The following POLN variants were observed in gnomAD, a reference collection of about 807,000 sequenced individuals.
POLN encodes the protein DNA polymerase N.
Under a neutral mutation model 113.5 loss-of-function variants are expected in POLN, and 108 were observed. That is an observed-to-expected ratio of 0.95 (90% CI 0.81 to 1.12). The LOEUF is 1.12. POLN is among the 50% of genes most tolerant of loss of function. The probability of loss-of-function intolerance (pLI) is 0.00; values close to 1 mark genes in which losing one functional copy is unlikely to be tolerated. For missense variants in POLN, 1,097 were observed against 1,077.1 expected (o/e 1.02, Z -0.26); for synonymous variants, 386 against 391.5 (o/e 0.99, Z 0.17).
intron 13 of POLN, among the ~76,000 whole-genome samples, chr4:2,164,438 T>C (rs1577734190): frequency 1.4e-5 from 2 of 146,876 alleles, no homozygotes. Context: ...GAGGTGGAGG[T>C]TGCCGTGAGT....
In POLN at chr4:2,183,880, C is replaced by T. The variant is rs117419227; in HGVS notation, c.1022-4415G>A. On this transcript the variant is annotated intron_variant, in intron 7 of 25. Transcript: ENST00000511885. ...ACCAGAAAGCTATTTACAAGGTGTTCTTTTTTTCTTTTTTTTTTTGAGACA... is the reference window on the plus strand; with the variant it reads ...ACCAGAAAGCTATTTACAAGGTGTTTTTTTTTTCTTTTTTTTTTTGAGACA... 1.4e-3 allele frequency among the ~76,000 whole-genome samples: 187 copies of T among 135,010 alleles called. 3 individuals are homozygous for T. The East Asian group carries it at 0.035, about 25-fold the overall frequency. 88.6% of individuals were successfully genotyped at this position (135,010 alleles called of 152,430 possible).
At chr4:2,141,889 C>T (rs1385401794) in intron 16 of POLN, among the ~76,000 whole-genome samples, 2 of 152,238 alleles carry the variant, frequency 1.3e-5, no homozygotes, top group Non-Finnish European at 2.9e-5. Context: ...CCTCCTCTGG[C>T]TTTCCACCCA....
At chr4:2,112,993 C>G (rs1731233285) in intron 19 of POLN, among the ~76,000 whole-genome samples, 1 of 151,962 alleles carries the variant, frequency 6.6e-6, no homozygotes, top group South Asian at 2.1e-4. Context: ...ACCCAAATGC[C>G]CAACAATGAT....
intron 3 of POLN, among the ~76,000 whole-genome samples, chr4:2,221,859 G>A (rs909801374): frequency 1.3e-5 from 2 of 152,146 alleles, no homozygotes; most frequent in Non-Finnish European, 2.9e-5. Context: ...ACAGGGGTGA[G>A]CTATCGCACC....
At chr4:2,152,279 C>A (rs1732315430) in intron 16 of POLN, among the ~76,000 whole-genome samples, 1 of 151,464 alleles carries the variant, frequency 6.6e-6, no homozygotes, top group Non-Finnish European at 1.5e-5. Flanking sequence ...CTCAAGAGAT[C>A]TGCCCACCTC....
intron 3 of POLN, among the ~76,000 whole-genome samples, chr4:2,218,490 C>CT (rs1208462923): frequency 6.6e-6 from 1 of 151,814 alleles, no homozygotes; most frequent in African/African-American, 2.4e-5. Flanking sequence ...AGGGGATATC[C>CT]TACCTATCCT....
chr4:2,142,842 A>T (rs1344355667), intron 16 of POLN, among the ~76,000 whole-genome samples: 1 of 76,888 alleles, frequency 1.3e-5, no homozygotes, highest in Admixed American at 1.5e-4. Context: ...CCCCACCCCC[A>T]CCTCCGCCAT....
At chr4:2,205,831 T>C (rs992909502) in intron 5 of POLN, among the ~76,000 whole-genome samples, 49 of 147,344 alleles carry the variant, frequency 3.3e-4, no homozygotes, top group African/African-American at 1.2e-3. Flanking sequence ...GCTGAGATTG[T>C]GCCACTGCAC....
At chr4:2,214,453 G>A (rs1734065972) in intron 3 of POLN, among the ~76,000 whole-genome samples, 1 of 152,050 alleles carries the variant, frequency 6.6e-6, no homozygotes. Context: ...AATGACAAAG[G>A]GTTAACTGCT....
chr4:2,085,764 A>G lies in POLN; in HGVS notation c.2066-20T>C. 2.5e-6 allele frequency: 4 copies of G among 1,612,458 alleles called. No homozygotes were observed. The highest frequency in any genetic ancestry group is 3.4e-6 in the Non-Finnish European group (4 of 1,179,938). On this transcript the variant is annotated intron_variant, in intron 20 of 25. Transcript: ENST00000511885. ...CCTTCCCTGTCAGTCAGAGAGACGC[A>G]TGTCAAAGCCTCACTCACACCAGCC...
intron 19 of POLN, among the ~76,000 whole-genome samples, chr4:2,118,734 G>A (rs922496757): frequency 6.6e-6 from 1 of 152,200 alleles, no homozygotes; most frequent in Non-Finnish European, 1.5e-5. Flanking sequence ...TGCCACGATA[G>A]GCCAGGTTAT....
At chr4:2,085,019 C>T (rs964665799) in intron 21 of POLN, among the ~76,000 whole-genome samples, 22 of 152,192 alleles carry the variant, frequency 1.4e-4, no homozygotes, top group African/African-American at 3.6e-4. Flanking sequence ...CTAAGTGAGG[C>T]GTCAGCTTAG....
chr4:2,240,736 T>A (rs994629024), intron 2 of POLN: 1 of 1,614,058 alleles, frequency 6.2e-7, no homozygotes, highest in Non-Finnish European at 8.5e-7. Flanking sequence ...CCTTCTAGAA[T>A]AGGCTTGCCT....
chr4:2,074,880 G>A (rs1577675333), intron 24 of POLN, among the ~76,000 whole-genome samples: 1 of 152,264 alleles, frequency 6.6e-6, no homozygotes, highest in East Asian at 1.9e-4. Flanking sequence ...GCCCTCCCAA[G>A]GGAGAGAGAA....
At chr4:2,101,336 T>G (rs566376729) in intron 19 of POLN, among the ~76,000 whole-genome samples, 1 of 152,266 alleles carries the variant, frequency 6.6e-6, no homozygotes, top group East Asian at 1.9e-4. Context: ...AAATGCTATG[T>G]AGACAATCAC....
At chr4:2,235,791 T>C (rs1734740184) in intron 2 of POLN, among the ~76,000 whole-genome samples, 1 of 152,132 alleles carries the variant, frequency 6.6e-6, no homozygotes, top group Non-Finnish European at 1.5e-5. Flanking sequence ...AAACTATACA[T>C]AAAAGCAAGA....
chr4:2,164,802 C>CAAAAAAAAAAAA (rs33935159), intron 13 of POLN, among the ~76,000 whole-genome samples: 2 of 28,694 alleles, frequency 7.0e-5, no homozygotes, highest in African/African-American at 2.3e-4. Context: ...GACTCTGTCT[C>CAAAAAAAAAAAA]AAAAAAAAAA....
intron 11 of POLN, among the ~76,000 whole-genome samples, chr4:2,172,844 G>A (rs1472662361): frequency 6.6e-6 from 1 of 152,160 alleles, no homozygotes; most frequent in Non-Finnish European, 1.5e-5. Context: ...CACAGGCACA[G>A]GGAATGCACT....
intron 24 of POLN, among the ~76,000 whole-genome samples, chr4:2,073,549 C>A (rs750075490): frequency 2.0e-5 from 3 of 152,250 alleles, no homozygotes; most frequent in Non-Finnish European, 4.4e-5. Flanking sequence ...CACAGGCAGG[C>A]TGACCCCGTT....
Sources: allele counts gnomAD v4.1 joint callset (sites outside exome capture counted in the v4.1 genomes callset), GRCh38; gene constraint gnomAD v4.1.1; transcripts MANE v1.5; gene names NCBI Gene and HGNC (gene_info 2026-07-23, HGNC 2026-07-21).